AGMO: variants seen among roughly 807,000 people sequenced by gnomAD.
AGMO encodes glyceryl-ether monooxygenase.
A neutral mutation model predicts 60.2 loss-of-function variants in AGMO; 75 were observed. That is an observed-to-expected ratio of 1.25 (90% CI 1.03 to 1.51). The LOEUF (loss-of-function observed/expected upper bound fraction) is 1.51, where lower values mean the gene tolerates loss of function less well. AGMO is among the 40% of genes most tolerant of loss of function. The pLI is 0.00. For synonymous variants in AGMO, 261 were observed against 177.1 expected (o/e 1.47, Z -3.76); for missense variants, 763 against 525.5 (o/e 1.45, Z -4.42).
intron 6 of AGMO, among the ~76,000 whole-genome samples, chr7:15,392,823 C>T (rs573728486): frequency 2.8e-4 from 33 of 119,346 alleles, no homozygotes; most frequent in African/African-American, 9.0e-4. Context: ...AACAAACAAA[C>T]AAACAAACAA....
chr7:15,480,605 C>T (rs1782723020), intron 3 of AGMO, among the ~76,000 whole-genome samples: 1 of 152,142 alleles, frequency 6.6e-6, no homozygotes, highest in Admixed American at 6.6e-5. Context: ...CATACCAATT[C>T]AAACACTTCA....
At chr7:15,197,722 A>G (rs1342357542), downstream of AGMO, among the ~76,000 whole-genome samples, 1 of 152,230 alleles carries the variant, frequency 6.6e-6, no homozygotes, top group Non-Finnish European at 1.5e-5. Flanking sequence ...CACCCTGTCA[A>G]TTAATCTTAT....
intron 12 of AGMO, among the ~76,000 whole-genome samples, chr7:15,341,504 A>G (rs1249157187): frequency 2.0e-5 from 3 of 152,176 alleles, no homozygotes; most frequent in Non-Finnish European, 4.4e-5. Flanking sequence ...GGTCAAGGAC[A>G]TTCAACAAGT....
intron 12 of AGMO, among the ~76,000 whole-genome samples, chr7:15,314,004 T>A (rs150697152): frequency 6.6e-6 from 1 of 151,936 alleles, no homozygotes; most frequent in South Asian, 2.1e-4. Flanking sequence ...TAGGCTAATA[T>A]TGAACTTCTG....
chr7:15,265,390 G>A (rs1254035674), intron 12 of AGMO, among the ~76,000 whole-genome samples: 3 of 151,800 alleles, frequency 2.0e-5, no homozygotes, highest in Non-Finnish European at 2.9e-5. Flanking sequence ...TCAGCATCAC[G>A]CAGTATACCC....
At chr7:15,264,806 A>C (rs1477397048) in intron 12 of AGMO, among the ~76,000 whole-genome samples, 2 of 152,156 alleles carry the variant, frequency 1.3e-5, no homozygotes, top group Non-Finnish European at 2.9e-5. Flanking sequence ...ACTGGGGAGA[A>C]AAGGAAACAC....
rs185505077 is a variant in AGMO at position 15,439,368 on chromosome 7, G to A, written c.410-8260C>T. On this transcript the variant is annotated intron_variant, in intron 3 of 12. Coordinates refer to ENST00000342526, the MANE Select transcript of AGMO (RefSeq NM_001004320.2). ...GCTGAGATTACACCACTGCACTCCA[G>A]CCTGGTGACAGAGTGAGATTCTGTC... is the stretch of plus-strand genomic sequence containing the variant. Among the ~76,000 whole-genome samples the A allele has an allele frequency of 1.5e-4, 23 of 152,306 alleles. No homozygotes were observed. The East Asian group carries it at 3.3e-3, about 22-fold the overall frequency.
chr7:15,544,842 A>C lies in AGMO; in HGVS notation c.339T>G (p.Ser113=). Residue 113 remains serine, a synonymous_variant, in exon 3 of 13, where the codon TCT becomes TCG. Coordinates refer to ENST00000342526, the MANE Select transcript of AGMO (RefSeq NM_001004320.2). ...NYRLFNLPWD[S]PWTWYSAFLG... ...AGAAGGCTGAATACCAAGTCCATGG[A>C]GAATCCCAAGGCAAATTGAACAGCC... The C allele has an allele frequency of 6.2e-7, 1 of 1,610,688 alleles. No individual in the cohort carries two copies. The highest frequency in any genetic ancestry group is 1.1e-5 in the South Asian group (1 of 90,662).
chr7:15,267,797 T>A (rs1472985503), intron 12 of AGMO, among the ~76,000 whole-genome samples: 12 of 151,928 alleles, frequency 7.9e-5, no homozygotes, highest in Admixed American at 7.9e-4. Flanking sequence ...AGTTAACACT[T>A]TAGGTCTTGT....
chr7:15,248,736 T>G (rs1782843194), intron 12 of AGMO, among the ~76,000 whole-genome samples: 1 of 152,178 alleles, frequency 6.6e-6, no homozygotes, highest in Non-Finnish European at 1.5e-5. Context: ...CAGGAAATGG[T>G]GCTGAATGGG....
At chr7:15,548,433 A>C (rs1784850234) in intron 2 of AGMO, among the ~76,000 whole-genome samples, 1 of 151,646 alleles carries the variant, frequency 6.6e-6, no homozygotes, top group Admixed American at 6.6e-5. Context: ...ATTTAGAAGA[A>C]TGTATAACTA....
chr7:15,134,408 A>G, the AGMO span, among the ~76,000 whole-genome samples: 1 of 152,076 alleles, frequency 6.6e-6, no homozygotes, highest in Non-Finnish European at 1.5e-5. Flanking sequence ...TCCTGAGCGT[A>G]TGCAATACGT....
intron 3 of AGMO, among the ~76,000 whole-genome samples, chr7:15,527,944 C>A (rs1784168213): frequency 6.6e-6 from 1 of 152,086 alleles, no homozygotes; most frequent in Non-Finnish European, 1.5e-5. Context: ...AAAAAGAATT[C>A]TTTCAAAGTA....
intron 2 of AGMO, among the ~76,000 whole-genome samples, chr7:15,549,736 C>T (rs2115294177): frequency 6.6e-6 from 1 of 151,572 alleles, no homozygotes; most frequent in South Asian, 2.1e-4. Flanking sequence ...TAACACCTCA[C>T]TGTCAACATT....
Position 15,387,557 on chromosome 7 carries a change from A to C in AGMO, c.823-17T>G. The C allele has an allele frequency of 1.3e-6, 2 of 1,588,980 alleles. No individual in the cohort carries two copies. The highest frequency in any genetic ancestry group is 1.8e-5 in the Admixed American group (1 of 54,618). On this transcript the variant is annotated splice_polypyrimidine_tract_variant and intron_variant, in intron 8 of 12. Transcript: ENST00000342526. ...GTGATGGAACTAGAAACAATAAAAA[A>C]AGAGCTTATTTCACATAAGATAAAT...
At chr7:15,470,957 G>A (rs1011072392) in intron 3 of AGMO, among the ~76,000 whole-genome samples, 1 of 151,808 alleles carries the variant, frequency 6.6e-6, no homozygotes, top group Non-Finnish European at 1.5e-5. Context: ...GTTTTTAAAA[G>A]CATAGCCAGA....
intron 12 of AGMO, among the ~76,000 whole-genome samples, chr7:15,311,996 A>G (rs1442874385): frequency 6.6e-6 from 1 of 152,168 alleles, no homozygotes; most frequent in East Asian, 1.9e-4. Context: ...ACCTGAAGAA[A>G]GCATTTGTGA....
At chr7:15,125,206 T>C in the AGMO span, among the ~76,000 whole-genome samples, 3 of 152,054 alleles carry the variant, frequency 2.0e-5, no homozygotes, top group Non-Finnish European at 4.4e-5. Flanking sequence ...TGAGAAGATA[T>C]TTGATAGCTG....
chr7:15,342,937 T>G (rs760354901), intron 12 of AGMO, among the ~76,000 whole-genome samples: 16 of 151,964 alleles, frequency 1.1e-4, no homozygotes, highest in Non-Finnish European at 2.1e-4. Flanking sequence ...CTGTGAGGAG[T>G]AAATGAAAAT....
Sources: gnomAD v4.1 joint callset for allele counts (sites outside exome capture counted in the v4.1 genomes callset) on GRCh38, gnomAD v4.1.1 for gene constraint, MANE v1.5 for transcripts, NCBI Gene and HGNC (gene_info 2026-07-23, HGNC 2026-07-21) for gene names.